GRIA3: variants seen among roughly 807,000 people sequenced by gnomAD.
The protein encoded by GRIA3 is glutamate receptor 3.
A neutral mutation model predicts 63.0 loss-of-function variants in GRIA3; 3 were observed. The ratio of observed to expected loss-of-function variants is 0.05; its 90% CI spans 0.02 to 0.12. GRIA3 has a LOEUF of 0.12. GRIA3 is among the 10% of genes least tolerant of loss of function. The pLI is 1.00. For synonymous variants in GRIA3, 274 were observed against 257.9 expected, an observed-to-expected ratio of 1.06 and a Z score of -0.60; for missense variants, 347 against 700.9, an observed-to-expected ratio of 0.50 and a Z score of 5.70.
chrX:123,421,008 C>A (rs1169146261), intron 11 of GRIA3, among the ~76,000 whole-genome samples: 1 of 111,052 alleles, frequency 9.0e-6, no homozygotes, highest in Non-Finnish European at 1.9e-5. Context: ...CCATACTTTA[C>A]CCTTACAATG....
rs765291583 is a variant in GRIA3 at position 123,489,208 on chromosome X, G to A, written c.*498G>A. 10 of 111,627 alleles carry A rather than the reference G, an allele frequency of 9.0e-5. 1 individual carries two copies. In the South Asian group the frequency reaches 1.1e-3, roughly 13 times the overall value. 9.2% of individuals were successfully genotyped at this position (111,627 alleles called of 1,213,427 possible). ...GAAAAAATCTGTCTCCCAGTGTTTG[G>A]GAAGACGGACTGGCATTTCTTCTAG... On this transcript the variant is annotated 3_prime_UTR_variant, in exon 16 of 16. Coordinates refer to ENST00000620443, the MANE Select transcript of GRIA3 (RefSeq NM_007325.5).
intron 4 of GRIA3, among the ~76,000 whole-genome samples, chrX:123,338,508 A>G (rs1337765418): frequency 3.6e-5 from 4 of 112,346 alleles, no homozygotes; most frequent in Non-Finnish European, 7.5e-5. Context: ...ACCCATGTCA[A>G]GAATGCATGC....
chrX:123,219,046 C>T (rs1355923658), intron 2 of GRIA3, among the ~76,000 whole-genome samples: 1 of 111,999 alleles, frequency 8.9e-6, no homozygotes, highest in African/African-American at 3.3e-5. Context: ...TGCTGCTTGA[C>T]ACACCTCCAG....
intron 3 of GRIA3, among the ~76,000 whole-genome samples, chrX:123,278,298 C>G (rs1025768313): frequency 4.5e-5 from 5 of 112,113 alleles, no homozygotes; most frequent in African/African-American, 1.6e-4. Context: ...CAAAATAAGT[C>G]ATTTAAAAGA....
intron 5 of GRIA3, among the ~76,000 whole-genome samples, chrX:123,380,750 GT>G (rs1454159242): frequency 8.9e-6 from 1 of 111,839 alleles, no homozygotes; most frequent in Non-Finnish European, 1.9e-5. Context: ...TATTGCCTAG[GT>G]TTTCTTCTAG....
At chrX:123,329,528 G>T (rs2044926994) in intron 4 of GRIA3, among the ~76,000 whole-genome samples, 1 of 111,443 alleles carries the variant, frequency 9.0e-6, no homozygotes, top group South Asian at 3.8e-4. Flanking sequence ...ATTCAATTAG[G>T]TATCAATCTG....
chrX:123,245,872 G>A (rs938622397), intron 2 of GRIA3, among the ~76,000 whole-genome samples: 1 of 111,698 alleles, frequency 9.0e-6, no homozygotes, highest in African/African-American at 3.3e-5. Flanking sequence ...GGATTTAGGA[G>A]GAAATGGAAT....
At chrX:123,266,311 C>T (rs1460178228) in intron 3 of GRIA3, among the ~76,000 whole-genome samples, 4 of 111,416 alleles carry the variant, frequency 3.6e-5, no homozygotes, top group African/African-American at 9.8e-5. Context: ...TGATGCCCTA[C>T]CTGGACCTCA....
chrX:123,461,208 T>G (rs192654564), intron 12 of GRIA3, among the ~76,000 whole-genome samples: 279 of 111,957 alleles, frequency 2.5e-3, no homozygotes, highest in African/African-American at 8.4e-3. Context: ...TAGTCTGTCA[T>G]GTATAGAGTA....
At chrX:123,362,667 A>G (rs1419446176) in intron 5 of GRIA3, among the ~76,000 whole-genome samples, 2 of 110,310 alleles carry the variant, frequency 1.8e-5, no homozygotes, top group Admixed American at 9.6e-5. Context: ...TCCGTGTCAA[A>G]TGGATGAGTT....
At chrX:123,223,700 G>A (rs747247432) in intron 2 of GRIA3, among the ~76,000 whole-genome samples, 1 of 111,728 alleles carries the variant, frequency 9.0e-6, no homozygotes, top group Non-Finnish European at 1.9e-5. Flanking sequence ...AGATGAGAAG[G>A]GCTGGAAATG....
At chrX:123,220,810 A>G (rs1261719632) in intron 2 of GRIA3, among the ~76,000 whole-genome samples, 5 of 111,923 alleles carry the variant, frequency 4.5e-5, no homozygotes, top group African/African-American at 1.3e-4. Flanking sequence ...AGTATTATAC[A>G]TAAGACTATT....
intron 5 of GRIA3, among the ~76,000 whole-genome samples, chrX:123,360,647 G>C (rs753864720): frequency 3.3e-5 from 3 of 92,156 alleles, no homozygotes; most frequent in African/African-American, 4.2e-5. Flanking sequence ...AGTGAGCTGA[G>C]ATCGTGCCAC....
rs143829136 is a variant in GRIA3 at position 123,224,392 on chromosome X, A to G, written c.269-28911A>G. 4.0e-3 allele frequency among the ~76,000 whole-genome samples: 452 copies of G among 111,652 alleles called. 2 individuals are homozygous for G. The highest frequency in any genetic ancestry group is 0.014 in the African/African-American group (433 of 30,740). On this transcript the variant is annotated intron_variant, in intron 2 of 15. Coordinates refer to ENST00000620443, the MANE Select transcript of GRIA3 (RefSeq NM_007325.5). ...TTTGGACATCTTCAACCCAACAGACACTTATCCCCATTCCCAGTCTGCTCC... is the reference window on the plus strand; with the variant it reads ...TTTGGACATCTTCAACCCAACAGACGCTTATCCCCATTCCCAGTCTGCTCC...
At chrX:123,383,138 T>C (rs2045334141) in intron 5 of GRIA3, among the ~76,000 whole-genome samples, 1 of 112,271 alleles carries the variant, frequency 8.9e-6, no homozygotes, top group South Asian at 3.7e-4. Context: ...ATTAAAGCTA[T>C]TCATTAAAGA....
At chrX:123,402,242 T>TC (rs754258811) in intron 7 of GRIA3, among the ~76,000 whole-genome samples, 7 of 111,154 alleles carry the variant, frequency 6.3e-5, no homozygotes, top group African/African-American at 2.0e-4. Context: ...GGAAAGCTCA[T>TC]CCCTGTCACT....
chrX:123,348,480 T>C (rs1408452647), intron 4 of GRIA3, among the ~76,000 whole-genome samples: 1 of 111,689 alleles, frequency 9.0e-6, no homozygotes, highest in Non-Finnish European at 1.9e-5. Flanking sequence ...TAAAAATCAC[T>C]CCAATTCTGC....
intron 15 of GRIA3, among the ~76,000 whole-genome samples, chrX:123,487,678 G>A (rs2045949246): frequency 8.9e-6 from 1 of 111,975 alleles, no homozygotes; most frequent in South Asian, 3.7e-4. Context: ...AGTTAGTGAT[G>A]TCCCATGCCC....
At chrX:123,276,934 T>C (rs1284838174) in intron 3 of GRIA3, among the ~76,000 whole-genome samples, 1 of 111,602 alleles carries the variant, frequency 9.0e-6, no homozygotes, top group African/African-American at 3.3e-5. Flanking sequence ...CTCAGTTTAA[T>C]TACCCACATT....
Sources: allele counts gnomAD v4.1 joint callset (sites outside exome capture counted in the v4.1 genomes callset), GRCh38; gene constraint gnomAD v4.1.1; transcripts MANE v1.5; gene names NCBI Gene and HGNC (gene_info 2026-07-23, HGNC 2026-07-21).